PTPRD: variants seen among roughly 807,000 people sequenced by gnomAD.
PTPRD encodes protein tyrosine phosphatase receptor type D, also known as receptor-type tyrosine-protein phosphatase delta.
PTPRD carries 34 observed loss-of-function variants against 214.5 expected under a neutral mutation model. The ratio of observed to expected loss-of-function variants is 0.16; its 90% CI spans 0.12 to 0.21. The LOEUF is 0.21. Ranked by LOEUF, PTPRD falls within the 10% of genes least tolerant of loss-of-function variation. PTPRD has a pLI of 1.00. For synonymous variants in PTPRD, 1,128 were observed against 845.7 expected (o/e 1.33, Z -5.79); for missense variants, 2,545 against 2,398.7 (o/e 1.06, Z -1.27).
chr9:8,332,276 T>C (rs902514012), intron 43 of PTPRD, among the ~76,000 whole-genome samples: 1 of 151,980 alleles, frequency 6.6e-6, no homozygotes, highest in African/African-American at 2.4e-5. Context: ...AAATGACAAA[T>C]GGTGAAATTT....
At chr9:9,672,431 T>C (rs572528090) in intron 7 of PTPRD, among the ~76,000 whole-genome samples, 39 of 152,176 alleles carry the variant, frequency 2.6e-4, no homozygotes, top group Non-Finnish European at 5.4e-4. Context: ...TATCAACTAA[T>C]GTAATAATCA....
At chr9:8,810,172 G>C (rs938457095) in intron 11 of PTPRD, among the ~76,000 whole-genome samples, 2 of 152,142 alleles carry the variant, frequency 1.3e-5, no homozygotes, top group African/African-American at 2.4e-5. Context: ...TGGAAAGCTA[G>C]AATTGCATAA....
At chr9:10,408,415 T>C (rs1462042594) in intron 2 of PTPRD, among the ~76,000 whole-genome samples, 2 of 151,702 alleles carry the variant, frequency 1.3e-5, no homozygotes, top group African/African-American at 2.4e-5. Flanking sequence ...TAAAAAAGCA[T>C]CTTAAATAAG....
chr9:9,875,256 G>A (rs918200468), intron 5 of PTPRD, among the ~76,000 whole-genome samples: 1 of 151,918 alleles, frequency 6.6e-6, no homozygotes, highest in Non-Finnish European at 1.5e-5. Context: ...TTACAGAGAA[G>A]CAAAATTACA....
intron 3 of PTPRD, among the ~76,000 whole-genome samples, chr9:10,118,551 T>G (rs910235237): frequency 6.6e-6 from 1 of 151,750 alleles, no homozygotes; most frequent in African/African-American, 2.4e-5. Context: ...AAGTGATACA[T>G]GTAAATTTTT....
intron 3 of PTPRD, among the ~76,000 whole-genome samples, chr9:10,087,470 A>C (rs1278130262): frequency 2.0e-5 from 3 of 151,718 alleles, no homozygotes; most frequent in Non-Finnish European, 4.4e-5. Flanking sequence ...GATCCTTCAG[A>C]GTGTAGTTTA....
chr9:8,469,728 T>C (rs974470136), intron 31 of PTPRD, among the ~76,000 whole-genome samples: 1 of 152,086 alleles, frequency 6.6e-6, no homozygotes, highest in African/African-American at 2.4e-5. Flanking sequence ...AAATAATGTC[T>C]CATTTTACAC....
chr9:8,570,073 A>G (rs186038790), intron 14 of PTPRD, among the ~76,000 whole-genome samples: 85 of 152,284 alleles, frequency 5.6e-4, no homozygotes, highest in Admixed American at 5.2e-4. Flanking sequence ...CTCTTACAAC[A>G]GCAAGAATGA....
At chr9:9,796,286 A>G (rs1430257535) in intron 5 of PTPRD, among the ~76,000 whole-genome samples, 1 of 152,160 alleles carries the variant, frequency 6.6e-6, no homozygotes, top group African/African-American at 2.4e-5. Flanking sequence ...AGTTGCAGGG[A>G]GAGTAAGATA....
At chr9:9,551,593 C>T (rs2080258943) in intron 8 of PTPRD, among the ~76,000 whole-genome samples, 1 of 151,994 alleles carries the variant, frequency 6.6e-6, no homozygotes, top group African/African-American at 2.4e-5. Context: ...GAAGATATTA[C>T]ATTAATGTTT....
At chr9:8,451,357 A>G (rs528913579) in intron 33 of PTPRD, among the ~76,000 whole-genome samples, 1 of 152,138 alleles carries the variant, frequency 6.6e-6, no homozygotes, top group African/African-American at 2.4e-5. Context: ...CCATTCCACC[A>G]ATCAGAGGTG....
chr9:8,416,567 G>A (rs571163778), intron 35 of PTPRD, among the ~76,000 whole-genome samples: 1 of 152,098 alleles, frequency 6.6e-6, no homozygotes, highest in Admixed American at 6.6e-5. Flanking sequence ...CACTCTGGAG[G>A]GGATTTTGTG....
intron 3 of PTPRD, among the ~76,000 whole-genome samples, chr9:10,149,479 G>A (rs754409648): frequency 6.6e-6 from 1 of 152,096 alleles, no homozygotes; most frequent in African/African-American, 2.4e-5. Flanking sequence ...GGCTTTAAAT[G>A]AATAGCAGAT....
intron 8 of PTPRD, among the ~76,000 whole-genome samples, chr9:9,500,663 T>C (rs1426816194): frequency 6.6e-6 from 1 of 152,030 alleles, no homozygotes; most frequent in East Asian, 1.9e-4. Context: ...TAAAAAGTAT[T>C]ACAGATGAAG....
At chr9:8,349,386 T>A (rs79181310) in intron 39 of PTPRD, among the ~76,000 whole-genome samples, 1 of 152,152 alleles carries the variant, frequency 6.6e-6, no homozygotes, top group Non-Finnish European at 1.5e-5. Context: ...CAATTTACTC[T>A]TTTTTTGTTC....
At chr9:10,191,938 G>T (rs2099365361) in intron 3 of PTPRD, among the ~76,000 whole-genome samples, 2 of 152,158 alleles carry the variant, frequency 1.3e-5, no homozygotes, top group African/African-American at 4.8e-5. Context: ...TCACTGAACG[G>T]TGTGTCTGCA....
intron 4 of PTPRD, among the ~76,000 whole-genome samples, chr9:9,943,426 A>C (rs999586619): frequency 6.6e-6 from 1 of 152,082 alleles, no homozygotes; most frequent in African/African-American, 2.4e-5. Flanking sequence ...TCATTCATTC[A>C]TTCATTCCCA....
At chr9:10,229,260 T>G (rs571931914) in intron 3 of PTPRD, among the ~76,000 whole-genome samples, 2 of 152,154 alleles carry the variant, frequency 1.3e-5, no homozygotes, top group South Asian at 2.1e-4. Context: ...GGCGGGACTG[T>G]AAACTAGTTC....
intron 3 of PTPRD, among the ~76,000 whole-genome samples, chr9:10,221,071 T>A (rs192312689): frequency 1.3e-5 from 2 of 152,180 alleles, no homozygotes; most frequent in Admixed American, 1.3e-4. Context: ...TTTTCCTCCA[T>A]ACAGTTTCAA....
Sources: allele counts gnomAD v4.1 joint callset (sites outside exome capture counted in the v4.1 genomes callset), GRCh38; gene constraint gnomAD v4.1.1; transcripts MANE v1.5; gene names NCBI Gene and HGNC (gene_info 2026-07-23, HGNC 2026-07-21).